The following YTHDF1 variants were observed in gnomAD, a reference collection of about 807,000 sequenced individuals.
The protein encoded by YTHDF1 is YTH domain-containing family protein 1.
Under a neutral mutation model 49.1 loss-of-function variants are expected in YTHDF1, and 16 were observed. That is an observed-to-expected ratio of 0.33 (90% CI 0.22 to 0.49). The LOEUF (loss-of-function observed/expected upper bound fraction) is 0.49. Ranked by LOEUF, YTHDF1 falls within the 20% of genes least tolerant of loss-of-function variation. YTHDF1 has a pLI of 0.99. For missense variants in YTHDF1, 621 were observed against 744.3 expected, an observed-to-expected ratio of 0.83 and a Z score of 1.93; for synonymous variants, 313 against 290.1, an observed-to-expected ratio of 1.08 and a Z score of -0.80.
chr20:63,212,002 C>CACAT (rs2066576903), intron 3 of YTHDF1, among the ~76,000 whole-genome samples: 4 of 128,124 alleles, frequency 3.1e-5, no homozygotes, highest in African/African-American at 1.1e-4. Context: ...CACACACACA[C>CACAT]ACACACTTTT....
In YTHDF1 at chr20:63,202,271, C is replaced by T. The variant is rs1285146787; in HGVS notation, c.1653+16G>A. 1.9e-6 allele frequency: 3 copies of T among 1,603,130 alleles called. No individual in the cohort carries two copies. Among genetic ancestry groups the T allele is most frequent in the African/African-American group, 2.7e-5 (2 of 74,792 alleles). ...GACACATCTGCATGGCAGTTGCCTG[C>T]AACACCCAGCCTCACCTTGCGCACC... On this transcript the variant is annotated intron_variant, in intron 4 of 4. Coordinates refer to ENST00000370339, the MANE Select transcript of YTHDF1 (RefSeq NM_017798.4).
At chr20:63,213,335 G>A (rs544313254) in intron 3 of YTHDF1, among the ~76,000 whole-genome samples, 2 of 152,338 alleles carry the variant, frequency 1.3e-5, no homozygotes, top group African/African-American at 2.4e-5. Context: ...CCGAGGCTGA[G>A]GCAGGAGGAA....
At chr20:63,214,085 G>A in intron 2 of YTHDF1, 142 bp from the exon 3 acceptor site, 2 of 1,382,540 alleles carry the variant, frequency 1.4e-6, no homozygotes, top group Non-Finnish European at 1.9e-6. Context: ...AACCAGTATA[G>A]AACTGATGTT....
At chr20:63,215,114 A>T (rs2066594949) in intron 2 of YTHDF1, among the ~76,000 whole-genome samples, 1 of 152,232 alleles carries the variant, frequency 6.6e-6, no homozygotes, top group Admixed American at 6.5e-5. Flanking sequence ...CAGTTTTCAC[A>T]TGAGTGCGCT....
chr20:63,210,106 C>T (rs914765161), intron 3 of YTHDF1, among the ~76,000 whole-genome samples: 11 of 152,148 alleles, frequency 7.2e-5, no homozygotes, highest in African/African-American at 2.7e-4. Context: ...ACCACAGACA[C>T]GAGTAATACA....
At chr20:63,201,914 G>A (rs573027497) in intron 4 of YTHDF1, among the ~76,000 whole-genome samples, 8 of 152,372 alleles carry the variant, frequency 5.3e-5, no homozygotes, top group Admixed American at 1.3e-4. Context: ...CATGGACGGA[G>A]GCTGGGAAGC....
At position 63,212,167 on chromosome 20, in the gene YTHDF1, A is replaced by G. The variant is rs117712852; in HGVS notation, c.132+1697T>C. Among the ~76,000 whole-genome samples the G allele has an allele frequency of 7.7e-3, 1,175 of 152,356 alleles. 9 individuals carry two copies. The highest frequency in any genetic ancestry group is 0.019 in the South Asian group (94 of 4,830). On this transcript the variant is annotated intron_variant, in intron 3 of 4. Coordinates refer to ENST00000370339, the MANE Select transcript of YTHDF1 (RefSeq NM_017798.4). Reference sequence around the variant, plus strand: ...TACCTCTATCCAAAGGCCCATCACTAAAGTCAAGTCAGTTCTGCCCAGAGG... The same window carrying G: ...TACCTCTATCCAAAGGCCCATCACTGAAGTCAAGTCAGTTCTGCCCAGAGG...
At chr20:63,215,194 C>G (rs1449368496) in intron 2 of YTHDF1, among the ~76,000 whole-genome samples, 2 of 152,152 alleles carry the variant, frequency 1.3e-5, no homozygotes, top group African/African-American at 4.8e-5. Context: ...CTGCAACTAC[C>G]GGGGATGTGG....
At position 63,202,335 on chromosome 20, in the gene YTHDF1, G is replaced by C. The variant is rs763856564; in HGVS notation, c.1605C>G (p.Asp535Glu). The C allele has an allele frequency of 1.2e-6, 2 of 1,614,224 alleles. No homozygotes were observed. The highest frequency in any genetic ancestry group is 8.5e-7 in the Non-Finnish European group (1 of 1,180,010). ...SYKHTTSIFD[D>E]FAHYEKRQEE... ...CCTGGCGCTTCTCGTAGTGAGCAAA[G>C]TCGTCGAAGATGGAGGTTGTGTGCT... is the stretch of plus-strand genomic sequence containing the variant. Residue 535 changes from aspartate (D) to glutamate (E), a missense_variant, in exon 4 of 5, where the codon GAC (aspartate) becomes GAG (glutamate). This residue lies in a region of YTHDF1 where 151 missense variants were observed against 248.5 expected (regional missense o/e 0.61). Coordinates refer to ENST00000370339, the MANE Select transcript of YTHDF1 (RefSeq NM_017798.4).
At chr20:63,204,080 G>C (rs1431679859) in intron 3 of YTHDF1, among the ~76,000 whole-genome samples, 1 of 152,192 alleles carries the variant, frequency 6.6e-6, no homozygotes, top group Non-Finnish European at 1.5e-5. Flanking sequence ...TGCCTCTCTA[G>C]AACTGGCAAG....
intron 1 of YTHDF1, 106 bp from the exon 2 acceptor site, chr20:63,215,707 C>G: frequency 7.0e-7 from 1 of 1,424,532 alleles, no homozygotes; most frequent in South Asian, 1.5e-5. Context: ...CGAGCTCCGC[C>G]GGCCCCGACG....
chr20:63,205,111 C>T lies in YTHDF1; in HGVS notation c.133-1304G>A, dbSNP rs115141321. ...CCCCGCCCCCCAGTCCCCCAAGTAA[C>T]CAGAAGGTTCTACATAAAGAGAATA... On this transcript the variant is annotated intron_variant, in intron 3 of 4. Coordinates refer to ENST00000370339, the MANE Select transcript of YTHDF1 (RefSeq NM_017798.4). 7.8e-3 allele frequency among the ~76,000 whole-genome samples: 1,191 copies of T among 152,126 alleles called. 18 individuals are homozygous for T. Among genetic ancestry groups the T allele is most frequent in the African/African-American group, 0.027 (1,126 of 41,480 alleles).
rs1568991718 is a variant in YTHDF1, at chr20:63,203,276, TC to T, written c.663del (p.Thr222GlnfsTer3). On this transcript the variant is annotated frameshift_variant, in exon 4 of 5. Coordinates refer to ENST00000370339, the MANE Select transcript of YTHDF1 (RefSeq NM_017798.4). LOFTEE classifies it high-confidence loss of function. The surrounding 1 kb of genome is among the most constrained non-coding windows in gnomAD (Gnocchi z 4.4). ...TTTGAAACTGGCATGTTCACATTTG[TC>T]CCACCGTTGCCAGAAAGGACACCAG... is the stretch of plus-strand genomic sequence containing the variant. ...ALTGVLSGNGGTNVNMPVSKP... is the reference protein window; with the variant it reads ...ALTGVLSGNGXTNVNMPVSKP... The T allele has an allele frequency of 6.2e-7, 1 of 1,613,910 alleles. No homozygotes were observed. Among genetic ancestry groups the T allele is most frequent in the Non-Finnish European group, 8.5e-7 (1 of 1,180,046 alleles).
At chr20:63,215,498 C>T in intron 2 of YTHDF1, 79 bp downstream of exon 2, 1 of 1,595,202 alleles carries the variant, frequency 6.3e-7, no homozygotes, top group South Asian at 1.1e-5. Context: ...TTTCCGGTTC[C>T]AGACGCAGCT....
chr20:63,212,705 AGAG>A (rs756412287), intron 3 of YTHDF1, among the ~76,000 whole-genome samples: 11 of 152,370 alleles, frequency 7.2e-5, no homozygotes, highest in Non-Finnish European at 1.0e-4. Flanking sequence ...ACAGCAGCAC[AGAG>A]GAGAGAGAGC....
chr20:63,215,550 C>T, intron 2 of YTHDF1, 27 bp downstream of exon 2: 2 of 1,613,618 alleles, frequency 1.2e-6, no homozygotes, highest in Non-Finnish European at 1.7e-6. Flanking sequence ...CTCCAGCCCG[C>T]GCCGGCCGTC....
chr20:63,203,410 G>A lies in YTHDF1; in HGVS notation c.530C>T (p.Ala177Val). The A allele has an allele frequency of 1.9e-6, 3 of 1,612,940 alleles. No individual in the cohort carries two copies. Among genetic ancestry groups the A allele is most frequent in the Non-Finnish European group, 2.5e-6 (3 of 1,179,730 alleles). The change falls in exon 4 of 5, where the codon GCC (alanine) becomes GTC (valine). Residue 177 changes from alanine (A) to valine (V), a missense_variant. Around this residue, in one of 2 missense-constraint regions of YTHDF1, gnomAD observed 470 missense variants for 495.8 expected, o/e 0.95. Transcript: ENST00000370339. The surrounding 1 kb of genome is among the most constrained non-coding windows in gnomAD (Gnocchi z 4.4). Reference protein sequence around the residue: ...PGFHSDTLSKAPGMNSLEQGM... With the variant: ...PGFHSDTLSKVPGMNSLEQGM... ...CTGCTCCAGGCTGTTCATCCCGGGG[G>A]CCTTGCTGAGGGTGTCGCTGTGAAA... is the stretch of plus-strand genomic sequence containing the variant.
At position 63,196,278 on chromosome 20, in the gene YTHDF1, A is replaced by G. The variant is rs1894112650; in HGVS notation, c.*430T>C. ...AAAAAATCATTAACCTTTTGATTTC[A>G]GTATTTTCAAGAGATTTTATCAGAA... On this transcript the variant is annotated 3_prime_UTR_variant, in exon 5 of 5. Coordinates refer to ENST00000370339, the MANE Select transcript of YTHDF1 (RefSeq NM_017798.4). The G allele has an allele frequency of 6.5e-6, 1 of 154,454 alleles. No individual in the cohort carries two copies. Among genetic ancestry groups the G allele is most frequent in the African/African-American group, 2.4e-5 (1 of 41,550 alleles). The allele number at this position is 154,454 out of a possible 1,614,324, so 9.6% of individuals were successfully genotyped here. A position where few individuals can be genotyped will look rare whatever the true frequency, so the allele number is the denominator to read the frequency against.
At position 63,203,252 on chromosome 20, in the gene YTHDF1, T is replaced by C; in HGVS notation, c.688A>G (p.Lys230Glu). The C allele has an allele frequency of 6.2e-7, 1 of 1,613,958 alleles. No homozygotes were observed. Among genetic ancestry groups the C allele is most frequent in the African/African-American group, 1.3e-5 (1 of 75,068 alleles). ...GCAATGGCAGCCCACGAGGTCGGCTTTGAAACTGGCATGTTCACATTTGTC... is the reference window on the plus strand; with the variant it reads ...GCAATGGCAGCCCACGAGGTCGGCTCTGAAACTGGCATGTTCACATTTGTC... The part of the protein sequence containing the change: ...GGTNVNMPVS[K>E]PTSWAAIASK... Residue 230 changes from lysine to glutamate, a missense_variant, in exon 4 of 5, where the codon AAG becomes GAG. This residue lies in a region of YTHDF1 where 470 missense variants were observed against 495.8 expected (regional missense o/e 0.95). Coordinates refer to ENST00000370339, the MANE Select transcript of YTHDF1 (RefSeq NM_017798.4). The surrounding 1 kb of genome is among the most constrained non-coding windows in gnomAD (Gnocchi z 4.4).
Sources: allele counts gnomAD v4.1 joint callset (sites outside exome capture counted in the v4.1 genomes callset), GRCh38; gene constraint gnomAD v4.1.1; regional missense constraint gnomAD v4.1.1; non-coding constraint Gnocchi (gnomAD v3.1); transcripts MANE v1.5; gene names NCBI Gene and HGNC (gene_info 2026-07-23, HGNC 2026-07-21).